Variants in WWC2 observed in about 807,000 individuals in gnomAD.
WWC2 encodes WW and C2 domain containing 2, also known as protein WWC2.
WWC2 carries 101 observed loss-of-function variants against 138.5 expected under a neutral mutation model. The observed-to-expected ratio is 0.73, with a 90% CI of 0.62 to 0.86. The LOEUF (loss-of-function observed/expected upper bound fraction) is 0.86. WWC2 is among the 40% of genes least tolerant of loss of function. The pLI is 0.00. For synonymous variants in WWC2, 558 were observed against 538.4 expected (o/e 1.04, Z -0.50); for missense variants, 1,420 against 1,419.4 (o/e 1.00, Z -0.01).
chr4:183,216,665 G>C (rs1735765622), intron 4 of WWC2, among the ~76,000 whole-genome samples: 1 of 152,216 alleles, frequency 6.6e-6, no homozygotes, highest in African/African-American at 2.4e-5. Flanking sequence ...ACTGTTTGCA[G>C]TATGAGGAGA....
intron 21 of WWC2, among the ~76,000 whole-genome samples, chr4:183,304,273 T>C (rs942699436): frequency 3.3e-5 from 5 of 152,110 alleles, no homozygotes; most frequent in African/African-American, 1.2e-4. Flanking sequence ...GAACCGATAC[T>C]GGGGTAAGAA....
At chr4:183,289,920 A>G (rs375211477) in intron 21 of WWC2, among the ~76,000 whole-genome samples, 42 of 151,414 alleles carry the variant, frequency 2.8e-4, no homozygotes, top group African/African-American at 1.0e-3. Context: ...TGCCCAAAGG[A>G]GAAGTGGGAA....
At chr4:183,249,103 T>G (rs1382338436) in intron 7 of WWC2, among the ~76,000 whole-genome samples, 1 of 152,158 alleles carries the variant, frequency 6.6e-6, no homozygotes, top group Non-Finnish European at 1.5e-5. Context: ...CTATATTCCT[T>G]TAGAGACACG....
rs1027496248 is a variant in WWC2 at position 183,099,655 on chromosome 4, C to G, written c.131+33C>G. 4 of 1,259,292 alleles carry G rather than the reference C, an allele frequency of 3.2e-6. No homozygotes were observed. The African/African-American group carries it at 4.7e-5, about 15-fold the overall frequency. The allele number at this position is 1,259,292 out of a possible 1,614,324, so 78.0% of individuals were successfully genotyped here. On this transcript the variant is annotated intron_variant, in intron 1 of 22. Coordinates refer to ENST00000403733, the MANE Select transcript of WWC2 (RefSeq NM_024949.6). ...CCGGCCGCGGGGGCGCGGGCCCGTT[C>G]GGACACGGCGGCTGTTGTCCCGGAG...
intron 1 of WWC2, among the ~76,000 whole-genome samples, chr4:183,121,806 G>A (rs927447880): frequency 7.6e-6 from 1 of 131,482 alleles, no homozygotes; most frequent in African/African-American, 2.9e-5. Flanking sequence ...TTTTTTTTGC[G>A]ACAGAGTCTT....
intron 1 of WWC2, among the ~76,000 whole-genome samples, chr4:183,181,779 G>A (rs1478993655): frequency 6.6e-6 from 1 of 152,124 alleles, no homozygotes; most frequent in Admixed American, 6.6e-5. Context: ...GCATTGTTCA[G>A]AAGTCAACTG....
chr4:183,305,581 T>C (rs1739000024), intron 21 of WWC2, among the ~76,000 whole-genome samples: 1 of 152,126 alleles, frequency 6.6e-6, no homozygotes, highest in African/African-American at 2.4e-5. Flanking sequence ...TGAGAAATCA[T>C]ACAAGCAAGA....
chr4:183,285,280 G>A (rs1163083379), intron 19 of WWC2, among the ~76,000 whole-genome samples: 1 of 152,156 alleles, frequency 6.6e-6, no homozygotes, highest in Non-Finnish European at 1.5e-5. Flanking sequence ...TGGGCTATCT[G>A]GGCCGAGAGC....
intron 1 of WWC2, among the ~76,000 whole-genome samples, chr4:183,179,829 T>G (rs1315043568): frequency 6.6e-6 from 1 of 152,170 alleles, no homozygotes; most frequent in Non-Finnish European, 1.5e-5. Flanking sequence ...CACTCACTGT[T>G]TTCTCTAACA....
chr4:183,269,747 T>A, intron 15 of WWC2: 1 of 256,892 alleles, frequency 3.9e-6, no homozygotes, highest in South Asian at 4.6e-5. Context: ...TTCACCTCAT[T>A]CTCCTCCACC....
At chr4:183,170,925 C>A (rs1734260201) in intron 1 of WWC2, among the ~76,000 whole-genome samples, 1 of 151,952 alleles carries the variant, frequency 6.6e-6, no homozygotes, top group African/African-American at 2.4e-5. Context: ...AGTGATCCTC[C>A]TGCCTCAGTC....
At chr4:183,101,528 A>T (rs1743180691) in intron 1 of WWC2, among the ~76,000 whole-genome samples, 1 of 152,232 alleles carries the variant, frequency 6.6e-6, no homozygotes, top group Non-Finnish European at 1.5e-5. Flanking sequence ...GACGACTTAC[A>T]AATATTTCTG....
intron 21 of WWC2, among the ~76,000 whole-genome samples, chr4:183,292,855 A>G (rs1377875538): frequency 4.6e-5 from 7 of 152,008 alleles, no homozygotes; most frequent in Admixed American, 2.0e-4. Context: ...GTGTAGATGC[A>G]AGAATCCTGA....
At chr4:183,255,332 AAG>A (rs1218219697) in intron 9 of WWC2, among the ~76,000 whole-genome samples, 1 of 152,238 alleles carries the variant, frequency 6.6e-6, no homozygotes, top group South Asian at 2.1e-4. Flanking sequence ...AAGGAACAAA[AAG>A]AGTAAGAAGG....
chr4:183,127,458 A>C (rs2111062643), intron 1 of WWC2, among the ~76,000 whole-genome samples: 1 of 152,346 alleles, frequency 6.6e-6, no homozygotes, highest in East Asian at 1.9e-4. Context: ...TATATGGAGA[A>C]TGAAACAGTG....
intron 21 of WWC2, among the ~76,000 whole-genome samples, chr4:183,298,666 A>G (rs1174541075): frequency 1.3e-5 from 2 of 152,220 alleles, no homozygotes; most frequent in East Asian, 1.9e-4. Context: ...TGTTTTTCCC[A>G]TGCACTAATA....
At chr4:183,171,123 C>G (rs112364693) in intron 1 of WWC2, among the ~76,000 whole-genome samples, 2 of 152,172 alleles carry the variant, frequency 1.3e-5, no homozygotes, top group Admixed American at 6.5e-5. Flanking sequence ...GTTCTTAACA[C>G]AAACTGCCTT....
At chr4:183,161,715 A>G (rs761544181) in intron 1 of WWC2, among the ~76,000 whole-genome samples, 5 of 152,176 alleles carry the variant, frequency 3.3e-5, no homozygotes, top group Non-Finnish European at 5.9e-5. Flanking sequence ...GTACAGTATC[A>G]TGCTGTACAT....
intron 1 of WWC2, among the ~76,000 whole-genome samples, chr4:183,148,949 A>G (rs993872626): frequency 1.3e-5 from 2 of 150,850 alleles, no homozygotes; most frequent in Non-Finnish European, 3.0e-5. Flanking sequence ...TTTTTTTCGT[A>G]ATTGGAGTAG....
Sources: gnomAD v4.1 joint callset for allele counts (sites outside exome capture counted in the v4.1 genomes callset) on GRCh38, gnomAD v4.1.1 for gene constraint, MANE v1.5 for transcripts, NCBI Gene and HGNC (gene_info 2026-07-23, HGNC 2026-07-21) for gene names.